The following CNOT6 variants were observed in gnomAD, a reference collection of about 807,000 sequenced individuals.
CNOT6 encodes carbon catabolite repression 4 protein.
CNOT6 carries 12 observed loss-of-function variants against 61.2 expected under a neutral mutation model. The observed-to-expected ratio is 0.20, with a 90% CI of 0.13 to 0.32. The LOEUF (loss-of-function observed/expected upper bound fraction) is 0.32, where lower values mean the gene tolerates loss of function less well. CNOT6 is among the 10% of genes least tolerant of loss of function. The pLI is 1.00. For missense variants in CNOT6, 405 were observed against 663.9 expected (o/e 0.61, Z 4.28); for synonymous variants, 225 against 240.6 (o/e 0.94, Z 0.60).
In CNOT6 at chr5:180,503,601, C is replaced by CTT. The variant is rs56187510; in HGVS notation, c.-3+8861_-3+8862dup. Among the ~76,000 whole-genome samples the CTT allele has an allele frequency of 6.4e-3, 425 of 66,102 alleles. 10 individuals are homozygous for CTT. The highest frequency in any genetic ancestry group is 0.011 in the African/African-American group (179 of 15,780). 43.4% of individuals were successfully genotyped at this position (66,102 alleles called of 152,430 possible). Reference sequence around the variant, plus strand: ...TCTTACTGACACTGTGCCCTACTTCCTTTTTTTTTTTTTTTTTTTTTTTTG... The same window carrying CTT: ...TCTTACTGACACTGTGCCCTACTTCCTTTTTTTTTTTTTTTTTTTTTTTTTTG... On this transcript the variant is annotated intron_variant, in intron 1 of 11. Transcript: ENST00000261951.
chr5:180,563,038 T>C (rs564248493), intron 4 of CNOT6, among the ~76,000 whole-genome samples: 3 of 152,330 alleles, frequency 2.0e-5, no homozygotes, highest in African/African-American at 7.2e-5. Context: ...TTTATAATTC[T>C]TAGAATCCTA....
Position 180,531,586 on chromosome 5 carries a change from G to A in CNOT6, c.112+2198G>A, listed in dbSNP as rs2126910. On this transcript the variant is annotated intron_variant, in intron 2 of 11. Transcript: ENST00000261951. ...CTCCTCACTTCCCAGACGGGGTGGCGGCCAGGCAGAGGCTGCAATCTCAGC... is the reference window on the plus strand; with the variant it reads ...CTCCTCACTTCCCAGACGGGGTGGCAGCCAGGCAGAGGCTGCAATCTCAGC... Among the ~76,000 whole-genome samples the A allele has an allele frequency of 6.2e-3, 944 of 152,266 alleles. 10 individuals carry two copies. Among genetic ancestry groups the A allele is most frequent in the African/African-American group, 0.022 (907 of 41,562 alleles).
At chr5:180,563,081 T>C (rs917148134) in intron 4 of CNOT6, among the ~76,000 whole-genome samples, 2 of 152,234 alleles carry the variant, frequency 1.3e-5, no homozygotes, top group African/African-American at 4.8e-5. Flanking sequence ...TAAAGATAAA[T>C]GAACTTTGCC....
intron 4 of CNOT6, among the ~76,000 whole-genome samples, chr5:180,553,792 A>G (rs1759735094): frequency 1.3e-5 from 2 of 152,058 alleles, no homozygotes; most frequent in African/African-American, 4.8e-5. Flanking sequence ...TTAGATTCAA[A>G]TCTCAAAAAA....
At chr5:180,509,055 C>T (rs1196286459) in intron 1 of CNOT6, among the ~76,000 whole-genome samples, 4 of 151,938 alleles carry the variant, frequency 2.6e-5, no homozygotes, top group African/African-American at 4.8e-5. Flanking sequence ...CTCCTGACCT[C>T]GTGATCCACC....
chr5:180,545,503 C>T (rs774626683), intron 2 of CNOT6, among the ~76,000 whole-genome samples: 2 of 152,110 alleles, frequency 1.3e-5, no homozygotes, highest in African/African-American at 2.4e-5. Context: ...CTCTTATCCT[C>T]TATACTTATC....
intron 7 of CNOT6, among the ~76,000 whole-genome samples, chr5:180,566,303 C>T (rs1410689688): frequency 1.3e-5 from 2 of 152,134 alleles, no homozygotes; most frequent in Non-Finnish European, 1.5e-5. Context: ...CTTGCATTGC[C>T]GACCATGTTG....
intron 2 of CNOT6, among the ~76,000 whole-genome samples, chr5:180,535,134 G>A (rs914581261): frequency 6.6e-6 from 1 of 152,252 alleles, no homozygotes; most frequent in East Asian, 1.9e-4. Context: ...ACTGATTCGT[G>A]GGGTGGAGGA....
At chr5:180,519,107 C>G (rs375457648) in intron 1 of CNOT6, among the ~76,000 whole-genome samples, 1 of 152,164 alleles carries the variant, frequency 6.6e-6, no homozygotes, top group Non-Finnish European at 1.5e-5. Context: ...ATCAGGGACA[C>G]GTGTGCTGTA....
intron 1 of CNOT6, among the ~76,000 whole-genome samples, chr5:180,527,384 T>C (rs536186251): frequency 6.6e-6 from 1 of 152,258 alleles, no homozygotes; most frequent in Admixed American, 6.5e-5. Context: ...CTAGAACTTC[T>C]GTATTCTGCG....
intron 1 of CNOT6, among the ~76,000 whole-genome samples, chr5:180,519,160 CTT>C (rs962592922): frequency 9.2e-5 from 14 of 152,134 alleles, no homozygotes; most frequent in Non-Finnish European, 1.3e-4. Context: ...TAAGAGGAAA[CTT>C]TTAAAGACAA....
intron 1 of CNOT6, among the ~76,000 whole-genome samples, chr5:180,503,473 C>T (rs1168800612): frequency 1.3e-5 from 2 of 151,662 alleles, no homozygotes; most frequent in African/African-American, 4.8e-5. Flanking sequence ...CCATGTTGGC[C>T]AGGCTGGTCT....
chr5:180,563,195 G>A (rs1760271473), intron 4 of CNOT6, among the ~76,000 whole-genome samples: 1 of 151,342 alleles, frequency 6.6e-6, no homozygotes, highest in African/African-American at 2.4e-5. Context: ...TCTTCTATTC[G>A]GCCTTGGCCT....
At position 180,567,815 on chromosome 5, in the gene CNOT6, C is replaced by CTG. The variant is rs146190811; in HGVS notation, c.873-16_873-15dup. The CTG allele has an allele frequency of 1.4e-3, 2,064 of 1,511,798 alleles. 1 individual carries two copies. The highest frequency in any genetic ancestry group is 3.5e-3 in the East Asian group (150 of 42,448). 93.6% of individuals were successfully genotyped at this position (1,511,798 alleles called of 1,614,324 possible). On this transcript the variant is annotated intron_variant, in intron 8 of 11. Coordinates refer to ENST00000261951, the MANE Select transcript of CNOT6 (RefSeq NM_001370472.1). The stretch of plus-strand genomic sequence containing the variant: ...AGCTAACCTCTTGGTATTCCCAACT[C>CTG]TGTGTGTGTGTGTGTGTGTTGTTTT...
chr5:180,522,815 C>T (rs944805846), intron 1 of CNOT6, among the ~76,000 whole-genome samples: 2 of 152,130 alleles, frequency 1.3e-5, no homozygotes, highest in African/African-American at 4.8e-5. Context: ...CTCTGCACCC[C>T]TGCGCTGTTC....
At chr5:180,537,527 G>A (rs560274389) in intron 2 of CNOT6, among the ~76,000 whole-genome samples, 4 of 151,954 alleles carry the variant, frequency 2.6e-5, no homozygotes, top group South Asian at 2.1e-4. Context: ...TAAAAAATGC[G>A]GATATGTCTT....
intron 1 of CNOT6, 62 bp from the exon 2 acceptor site, chr5:180,529,213 A>AAG: frequency 3.9e-6 from 3 of 766,368 alleles, no homozygotes; most frequent in Non-Finnish European, 6.5e-6. Context: ...AAAAAAAAAA[A>AAG]GGTGTTGTGG....
chr5:180,576,514 A>G lies in CNOT6; in HGVS notation c.*2314A>G, dbSNP rs1224322687. 1.3e-5 allele frequency: 2 copies of G among 152,664 alleles called. No homozygotes were observed. The highest frequency in any genetic ancestry group is 2.9e-5 in the Non-Finnish European group (2 of 68,040). The allele number at this position is 152,664 out of a possible 1,614,324, so 9.5% of individuals were successfully genotyped here. ...AATTTGGGGCAGCATATTAAGATGT[A>G]ATGGCCTGTTATGTCTTGAAAATAC... On this transcript the variant is annotated 3_prime_UTR_variant, in exon 12 of 12. Transcript: ENST00000261951.
intron 1 of CNOT6, among the ~76,000 whole-genome samples, chr5:180,511,273 T>C (rs781773361): frequency 6.6e-6 from 1 of 151,004 alleles, no homozygotes; most frequent in Non-Finnish European, 1.5e-5. Context: ...AATCCAGGAG[T>C]TGGAGACCAG....
Sources: allele counts gnomAD v4.1 joint callset (sites outside exome capture counted in the v4.1 genomes callset), GRCh38; gene constraint gnomAD v4.1.1; transcripts MANE v1.5; gene names NCBI Gene and HGNC (gene_info 2026-07-23, HGNC 2026-07-21).